SPOCK3: variants seen among roughly 807,000 people sequenced by gnomAD.
SPOCK3 encodes the protein SPARC (osteonectin), cwcv and kazal like domains proteoglycan 3, also known as testican-3.
Under a neutral mutation model 56.6 loss-of-function variants are expected in SPOCK3, and 30 were observed. The ratio of observed to expected loss-of-function variants is 0.53; its 90% CI spans 0.40 to 0.72. SPOCK3 has a LOEUF of 0.72. SPOCK3 is among the 30% of genes least tolerant of loss of function. The pLI, the probability that SPOCK3 is intolerant of heterozygous loss-of-function variation, is 0.00. For synonymous variants in SPOCK3, 196 were observed against 183.3 expected (o/e 1.07, Z -0.56); for missense variants, 527 against 530.0 (o/e 0.99, Z 0.06).
chr4:166,738,226 G>C (rs1005138434), intron 9 of SPOCK3, among the ~76,000 whole-genome samples: 2 of 151,208 alleles, frequency 1.3e-5, no homozygotes, highest in East Asian at 3.9e-4. Flanking sequence ...TCCATTCTCT[G>C]TGTGTGTGTG....
chr4:167,079,466 A>G (rs1053924314), intron 2 of SPOCK3, among the ~76,000 whole-genome samples: 3 of 152,118 alleles, frequency 2.0e-5, no homozygotes, highest in Admixed American at 2.0e-4. Context: ...TGTCTATAGA[A>G]ATTTAGAATC....
At chr4:167,129,630 T>A (rs958550453) in intron 2 of SPOCK3, among the ~76,000 whole-genome samples, 22 of 152,280 alleles carry the variant, frequency 1.4e-4, no homozygotes, top group South Asian at 8.3e-4. Flanking sequence ...ATGATATTTT[T>A]AAAAATATTA....
chr4:166,904,074 ATAT>A (rs1208954401), intron 5 of SPOCK3, among the ~76,000 whole-genome samples: 1 of 151,856 alleles, frequency 6.6e-6, no homozygotes, highest in African/African-American at 2.4e-5. Context: ...GTTTAATTAC[ATAT>A]TATGCAAAAT....
intron 4 of SPOCK3, among the ~76,000 whole-genome samples, chr4:166,926,793 C>T (rs1739158951): frequency 6.6e-6 from 1 of 152,072 alleles, no homozygotes; most frequent in African/African-American, 2.4e-5. Context: ...AACTAATGCC[C>T]TGTTACCTCA....
intron 4 of SPOCK3, among the ~76,000 whole-genome samples, chr4:166,986,182 T>A (rs1390801086): frequency 6.6e-6 from 1 of 152,156 alleles, no homozygotes; most frequent in Non-Finnish European, 1.5e-5. Context: ...CTTCTTTTTA[T>A]GTATGTAATT....
chr4:167,031,567 A>T (rs1580062240), intron 3 of SPOCK3, among the ~76,000 whole-genome samples: 1 of 152,184 alleles, frequency 6.6e-6, no homozygotes, highest in South Asian at 2.1e-4. Context: ...AAAATATTTG[A>T]ATTACAGAGC....
intron 6 of SPOCK3, among the ~76,000 whole-genome samples, chr4:166,814,907 C>G (rs867058356): frequency 6.9e-4 from 105 of 152,170 alleles, no homozygotes; most frequent in African/African-American, 1.9e-3. Context: ...TGTAAAAAGA[C>G]TGCATGGTAA....
chr4:167,068,497 T>C (rs1363703065), intron 2 of SPOCK3, among the ~76,000 whole-genome samples: 3 of 151,750 alleles, frequency 2.0e-5, no homozygotes, highest in African/African-American at 4.8e-5. Flanking sequence ...CAAATGAATA[T>C]ATTTATTAAA....
chr4:166,994,965 T>C (rs1054277385), intron 4 of SPOCK3, among the ~76,000 whole-genome samples: 10 of 152,070 alleles, frequency 6.6e-5, no homozygotes, highest in African/African-American at 2.4e-4. Flanking sequence ...TTTGAAAATA[T>C]AGGGTGGTGG....
At chr4:166,783,432 A>G (rs1027008605) in intron 7 of SPOCK3, among the ~76,000 whole-genome samples, 1 of 152,202 alleles carries the variant, frequency 6.6e-6, no homozygotes, top group Non-Finnish European at 1.5e-5. Context: ...AAAAAAGGGA[A>G]TGAATGGAGT....
chr4:167,156,624 A>G (rs1719236687), intron 2 of SPOCK3, among the ~76,000 whole-genome samples: 6 of 152,182 alleles, frequency 3.9e-5, no homozygotes, highest in Admixed American at 3.9e-4. Context: ...CTTAAAAGTA[A>G]AAACATAAAG....
At chr4:167,142,860 TAAATA>T (rs1428844023) in intron 2 of SPOCK3, among the ~76,000 whole-genome samples, 1 of 151,994 alleles carries the variant, frequency 6.6e-6, no homozygotes, top group African/African-American at 2.4e-5. Context: ...AAATATTAGC[TAAATA>T]AATTGGAGGA....
chr4:167,005,710 T>C (rs916208994), intron 3 of SPOCK3, among the ~76,000 whole-genome samples: 1 of 152,170 alleles, frequency 6.6e-6, no homozygotes, highest in Non-Finnish European at 1.5e-5. Context: ...AATACTGACT[T>C]ACAATCACAA....
chr4:166,880,493 G>A (rs1042660888), intron 6 of SPOCK3, among the ~76,000 whole-genome samples: 4 of 152,066 alleles, frequency 2.6e-5, no homozygotes, highest in South Asian at 2.1e-4. Context: ...ATTCTCCAGC[G>A]TTTACTTTAG....
chr4:166,994,440 G>A (rs1579934631), intron 4 of SPOCK3, among the ~76,000 whole-genome samples: 1 of 152,080 alleles, frequency 6.6e-6, no homozygotes, highest in African/African-American at 2.4e-5. Context: ...GGCCCCTTGT[G>A]CTCTGACATA....
At chr4:166,763,084 C>T (rs1737468639) in intron 7 of SPOCK3, among the ~76,000 whole-genome samples, 1 of 151,420 alleles carries the variant, frequency 6.6e-6, no homozygotes, top group South Asian at 2.1e-4. Flanking sequence ...AGAAAGAAAA[C>T]CAAACTAAAG....
At chr4:167,215,321 C>A (rs1561332762) in intron 2 of SPOCK3, among the ~76,000 whole-genome samples, 1 of 152,062 alleles carries the variant, frequency 6.6e-6, no homozygotes, top group Non-Finnish European at 1.5e-5. Context: ...CTTCTGCACT[C>A]CTGGAGTGCA....
At chr4:166,851,419 C>T (rs542788748) in intron 6 of SPOCK3, among the ~76,000 whole-genome samples, 280 of 152,356 alleles carry the variant, frequency 1.8e-3, no homozygotes, top group African/African-American at 6.5e-3. Flanking sequence ...GCCTCTCCTC[C>T]TGCAAAGGAA....
intron 5 of SPOCK3, among the ~76,000 whole-genome samples, chr4:166,908,702 C>A (rs887967980): frequency 7.9e-5 from 12 of 152,036 alleles, no homozygotes; most frequent in African/African-American, 2.9e-4. Flanking sequence ...ACATGTTCTA[C>A]TCAAGTCTAA....
Sources: gnomAD v4.1 joint callset for allele counts (sites outside exome capture counted in the v4.1 genomes callset) on GRCh38, gnomAD v4.1.1 for gene constraint, MANE v1.5 for transcripts, NCBI Gene and HGNC (gene_info 2026-07-23, HGNC 2026-07-21) for gene names.